NRCAM: variants seen among roughly 807,000 people sequenced by gnomAD.
NRCAM encodes neuronal cell adhesion molecule.
Under a neutral mutation model 156.5 loss-of-function variants are expected in NRCAM, and 83 were observed. The observed-to-expected ratio is 0.53, with a 90% CI of 0.44 to 0.64. The LOEUF is 0.64. NRCAM is among the 30% of genes least tolerant of loss of function. NRCAM has a pLI of 0.00. For synonymous variants in NRCAM, 538 were observed against 563.9 expected, an observed-to-expected ratio of 0.95 and a Z score of 0.65; for missense variants, 1,417 against 1,597.3, an observed-to-expected ratio of 0.89 and a Z score of 1.92.
chr7:108,408,121 A>G (rs1203042291), intron 1 of NRCAM, among the ~76,000 whole-genome samples: 1 of 152,214 alleles, frequency 6.6e-6, no homozygotes, highest in African/African-American at 2.4e-5. Context: ...TTTTAAAAAA[A>G]CTGCCACCCA....
chr7:108,419,032 TCA>T (rs566985117), intron 1 of NRCAM, among the ~76,000 whole-genome samples: 11 of 151,098 alleles, frequency 7.3e-5, no homozygotes, highest in Non-Finnish European at 1.5e-4. Context: ...TTAACTAGTT[TCA>T]CACACACACA....
intron 32 of NRCAM, among the ~76,000 whole-genome samples, chr7:108,157,650 A>T (rs1433591974): frequency 6.6e-6 from 1 of 152,122 alleles, no homozygotes; most frequent in Non-Finnish European, 1.5e-5. Flanking sequence ...CTTCCAGTAT[A>T]CCATCACCCA....
intron 2 of NRCAM, among the ~76,000 whole-genome samples, chr7:108,399,003 A>C (rs1357786866): frequency 6.6e-6 from 1 of 152,240 alleles, no homozygotes; most frequent in Non-Finnish European, 1.5e-5. Context: ...TATGCAAATA[A>C]TACCTCATGG....
chr7:108,449,401 C>G (rs1193718756), intron 1 of NRCAM, among the ~76,000 whole-genome samples: 1 of 152,192 alleles, frequency 6.6e-6, no homozygotes, highest in African/African-American at 2.4e-5. Context: ...AGACAACAGC[C>G]CAGCAAGTGG....
chr7:108,299,911 A>T (rs1563168393), intron 3 of NRCAM, among the ~76,000 whole-genome samples: 1 of 152,166 alleles, frequency 6.6e-6, no homozygotes, highest in Non-Finnish European at 1.5e-5. Flanking sequence ...TGAGTGATGT[A>T]ATTAACACTG....
At chr7:108,232,215 T>C (rs1472814017) in intron 7 of NRCAM, 111 bp downstream of exon 7, 3 of 781,206 alleles carry the variant, frequency 3.8e-6, no homozygotes, top group African/African-American at 3.6e-5. Context: ...AGTCAGAATA[T>C]TGGAAGCAAT....
intron 3 of NRCAM, among the ~76,000 whole-genome samples, chr7:108,260,188 G>A (rs548963646): frequency 5.3e-5 from 8 of 152,108 alleles, no homozygotes; most frequent in Non-Finnish European, 8.8e-5. Flanking sequence ...TCAGGCAAGC[G>A]GAGCCCTCCA....
chr7:108,411,896 G>T (rs1413721407), intron 1 of NRCAM, among the ~76,000 whole-genome samples: 2 of 152,144 alleles, frequency 1.3e-5, no homozygotes, highest in Admixed American at 1.3e-4. Flanking sequence ...TTCCACTGTT[G>T]ACAGTCCACT....
chr7:108,180,136 A>C (rs1299484004), intron 25 of NRCAM, 87 bp downstream of exon 25: 11 of 1,134,664 alleles, frequency 9.7e-6, no homozygotes, highest in Non-Finnish European at 1.2e-5. Flanking sequence ...TCCAGAATAT[A>C]CTTTGATCAG....
At chr7:108,431,549 G>C (rs548161754) in intron 1 of NRCAM, among the ~76,000 whole-genome samples, 1 of 152,268 alleles carries the variant, frequency 6.6e-6, no homozygotes, top group African/African-American at 2.4e-5. Flanking sequence ...TTGGGAGGCC[G>C]AGGCAGGAGG....
intron 1 of NRCAM, among the ~76,000 whole-genome samples, chr7:108,451,219 CAAA>C (rs143670293): frequency 0.34 from 36,269 of 106,890 alleles, 4,648 homozygotes; most frequent in Non-Finnish European, 0.38. Context: ...ACTCCGTCTC[CAAA>C]AAAAAAAAAA....
At chr7:108,195,928 T>G in intron 14 of NRCAM, 56 bp from the exon 15 acceptor site, 2 of 1,113,786 alleles carry the variant, frequency 1.8e-6, no homozygotes, top group Non-Finnish European at 2.7e-6. Context: ...AGGACTATCG[T>G]TTATTTATTG....
At chr7:108,360,109 G>A (rs2099539092) in intron 2 of NRCAM, among the ~76,000 whole-genome samples, 1 of 152,176 alleles carries the variant, frequency 6.6e-6, no homozygotes, top group African/African-American at 2.4e-5. Context: ...CTTTGAAAAT[G>A]TAAATGTAAT....
chr7:108,403,076 T>C (rs1401486278), intron 1 of NRCAM, among the ~76,000 whole-genome samples: 1 of 152,232 alleles, frequency 6.6e-6, no homozygotes, highest in Non-Finnish European at 1.5e-5. Flanking sequence ...AGTGAGTTGC[T>C]GTTTTCTTTG....
chr7:108,408,201 G>A (rs10487854), intron 1 of NRCAM, among the ~76,000 whole-genome samples: 5,814 of 151,986 alleles, frequency 0.038, 152 homozygotes, highest in Middle Eastern at 0.082. Flanking sequence ...ATTGCCTATC[G>A]TGTACTAGGT....
intron 2 of NRCAM, among the ~76,000 whole-genome samples, chr7:108,399,080 G>A (rs944731697): frequency 6.6e-6 from 1 of 152,102 alleles, no homozygotes; most frequent in African/African-American, 2.4e-5. Flanking sequence ...GGTAGGGTAA[G>A]GCAGATATTG....
chr7:108,180,991 A>T (rs991834481), intron 24 of NRCAM, among the ~76,000 whole-genome samples: 8 of 152,166 alleles, frequency 5.3e-5, no homozygotes, highest in Admixed American at 5.2e-4. Flanking sequence ...TTTTCCACTA[A>T]ATCAAACTGT....
intron 2 of NRCAM, among the ~76,000 whole-genome samples, chr7:108,341,366 C>T (rs1301175065): frequency 5.9e-5 from 9 of 152,198 alleles, no homozygotes; most frequent in African/African-American, 9.6e-5. Context: ...TCTCCTGTCC[C>T]GGACAACTGT....
At chr7:108,263,754 G>A (rs2096973247) in intron 3 of NRCAM, among the ~76,000 whole-genome samples, 1 of 152,226 alleles carries the variant, frequency 6.6e-6, no homozygotes, top group Non-Finnish European at 1.5e-5. Flanking sequence ...TTCATGTTGG[G>A]TGGGTGCCAC....
Sources: allele counts gnomAD v4.1 joint callset (sites outside exome capture counted in the v4.1 genomes callset), GRCh38; gene constraint gnomAD v4.1.1; transcripts MANE v1.5; gene names NCBI Gene and HGNC (gene_info 2026-07-23, HGNC 2026-07-21).